CAMTA1: variants seen among roughly 807,000 people sequenced by gnomAD.
CAMTA1 encodes the protein calmodulin-binding transcription activator 1.
In CAMTA1, 27 loss-of-function variants were observed where a neutral mutation model predicts 170.9. That is an observed-to-expected ratio of 0.16 (90% CI 0.12 to 0.22). The LOEUF (loss-of-function observed/expected upper bound fraction) is 0.22, where lower values mean the gene tolerates loss of function less well. CAMTA1 is among the 10% of genes least tolerant of loss of function. The pLI, the probability that CAMTA1 is intolerant of heterozygous loss-of-function variation, is 1.00. For synonymous variants in CAMTA1, 833 were observed against 891.5 expected (o/e 0.93, Z 1.17); for missense variants, 1,619 against 2,217.2 (o/e 0.73, Z 5.42).
chr1:6,918,122 C>G lies in CAMTA1; in HGVS notation c.234+92912C>G, dbSNP rs367633557. 6.6e-6 allele frequency among the ~76,000 whole-genome samples: 1 copy of G among 152,236 alleles called. No individual in the cohort carries two copies. The highest frequency in any genetic ancestry group is 1.5e-5 in the Non-Finnish European group (1 of 68,026). On this transcript the variant is annotated intron_variant, in intron 3 of 22. Coordinates refer to ENST00000303635, the MANE Select transcript of CAMTA1 (RefSeq NM_015215.4). This position sits in a 1 kb window ranked among gnomAD's most constrained non-coding sequence, Gnocchi z 4.0. The stretch of plus-strand genomic sequence containing the variant: ...GTGGCTCCTAATGGTGAAGGCCTCC[C>G]ATGCTCCTGTTTGGGAAGAATTATG...
At chr1:7,593,077 C>T (rs141096550) in intron 6 of CAMTA1, among the ~76,000 whole-genome samples, 1,980 of 152,294 alleles carry the variant, frequency 0.013, 21 homozygotes, top group Admixed American at 0.022. Flanking sequence ...TGTTAAAGCT[C>T]CTTCATGCCA....
At chr1:7,582,338 T>A (rs1230156818) in intron 6 of CAMTA1, among the ~76,000 whole-genome samples, 7 of 152,184 alleles carry the variant, frequency 4.6e-5, no homozygotes. Context: ...CCCCCACTCC[T>A]GAGGGCCTCA....
chr1:7,075,021 A>G (rs1053068471), intron 3 of CAMTA1, among the ~76,000 whole-genome samples: 5 of 152,284 alleles, frequency 3.3e-5, no homozygotes, highest in African/African-American at 1.2e-4. Flanking sequence ...AAAATATCCA[A>G]ACAGTTTTGG....
intron 11 of CAMTA1, among the ~76,000 whole-genome samples, chr1:7,688,686 C>T (rs935996588): frequency 2.6e-5 from 4 of 152,210 alleles, no homozygotes; most frequent in Admixed American, 6.5e-5. Flanking sequence ...GTCCAATGCT[C>T]AGCCTCTAAC....
intron 1 of CAMTA1, among the ~76,000 whole-genome samples, chr1:6,805,873 CTGTTTTTT>C (rs1232095305): frequency 6.6e-6 from 1 of 151,070 alleles, no homozygotes; most frequent in East Asian, 1.9e-4. Context: ...TCCCATTTAT[CTGTTTTTT>C]TGTTTTTTTT....
rs1666258489 is a variant in CAMTA1 at position 7,249,096 on chromosome 1, T to G, written c.303-395T>G. On this transcript the variant is annotated intron_variant, in intron 4 of 22. Transcript: ENST00000303635. The surrounding 1 kb of genome is among the most constrained non-coding windows in gnomAD (Gnocchi z 4.4). ...TAATGCTGGGTGATGGATTAAAAGA[T>G]GTGTAGAAAATCCTTCCACAAGAGA... is the stretch of plus-strand genomic sequence containing the variant. Among the ~76,000 whole-genome samples, 1 of 152,200 alleles carries G rather than the reference T, an allele frequency of 6.6e-6. No homozygotes were observed. Among genetic ancestry groups the G allele is most frequent in the Non-Finnish European group, 1.5e-5 (1 of 68,040 alleles).
chr1:7,669,057 G>A (rs1344078398), intron 9 of CAMTA1, among the ~76,000 whole-genome samples: 1 of 152,210 alleles, frequency 6.6e-6, no homozygotes, highest in African/African-American at 2.4e-5. Context: ...CAGAACAAGG[G>A]ATGCTGTGGT....
chr1:7,707,551 A>AT (rs2096536367), intron 11 of CAMTA1, among the ~76,000 whole-genome samples: 1 of 151,764 alleles, frequency 6.6e-6, no homozygotes, highest in Non-Finnish European at 1.5e-5. Context: ...AATTTGTTGT[A>AT]TTTTTTGTAG....
At chr1:7,528,661 G>A (rs1018672152) in intron 6 of CAMTA1, among the ~76,000 whole-genome samples, 2 of 152,272 alleles carry the variant, frequency 1.3e-5, no homozygotes, top group Admixed American at 6.5e-5. Context: ...CCTATTGACA[G>A]ATGGGAATAC....
chr1:6,942,857 G>A (rs953580169), intron 3 of CAMTA1, among the ~76,000 whole-genome samples: 2 of 152,174 alleles, frequency 1.3e-5, no homozygotes, highest in Admixed American at 1.3e-4. Flanking sequence ...CGATGTTTGC[G>A]TGTTTAAGGA....
chr1:7,706,199 G>C (rs1182892181), intron 11 of CAMTA1, among the ~76,000 whole-genome samples: 1 of 152,164 alleles, frequency 6.6e-6, no homozygotes, highest in Non-Finnish European at 1.5e-5. Flanking sequence ...TAGGATTTCT[G>C]CTGGCAGCCT....
chr1:7,072,953 G>C (rs928885845), intron 3 of CAMTA1, among the ~76,000 whole-genome samples: 1 of 152,042 alleles, frequency 6.6e-6, no homozygotes, highest in African/African-American at 2.4e-5. Flanking sequence ...GGGTGAGATG[G>C]GCACTCCTTT....
intron 3 of CAMTA1, among the ~76,000 whole-genome samples, chr1:6,975,019 A>C (rs1693163266): frequency 6.6e-6 from 1 of 152,222 alleles, no homozygotes; most frequent in African/African-American, 2.4e-5. Context: ...CTGCCAACTT[A>C]AATTATCAAT....
At chr1:7,006,600 T>C (rs6577399) in intron 3 of CAMTA1, among the ~76,000 whole-genome samples, 95,589 of 151,956 alleles carry the variant, frequency 0.63, 31,432 homozygotes, top group African/African-American at 0.84. Context: ...GAGAACCCAG[T>C]TGAGGTGGGC....
At chr1:7,272,096 G>A (rs921793819) in intron 5 of CAMTA1, among the ~76,000 whole-genome samples, 20 of 151,980 alleles carry the variant, frequency 1.3e-4, no homozygotes, top group African/African-American at 4.6e-4. Flanking sequence ...ATATACATGA[G>A]CAATAAACAA....
intron 3 of CAMTA1, among the ~76,000 whole-genome samples, chr1:6,945,377 A>T (rs1270351295): frequency 6.6e-6 from 1 of 151,732 alleles, no homozygotes; most frequent in Non-Finnish European, 1.5e-5. Flanking sequence ...TGTGTGTGTG[A>T]CAGGGTCTCA....
At chr1:7,136,016 G>A (rs1030299287) in intron 4 of CAMTA1, among the ~76,000 whole-genome samples, 2 of 152,096 alleles carry the variant, frequency 1.3e-5, no homozygotes, top group African/African-American at 2.4e-5. Flanking sequence ...CTTATATCTC[G>A]CAGCCCAGTG....
intron 3 of CAMTA1, among the ~76,000 whole-genome samples, chr1:7,047,204 TG>T (rs1263411861): frequency 6.6e-6 from 1 of 152,218 alleles, no homozygotes. Flanking sequence ...TGTGAACAAG[TG>T]GCTTTTTGTT....
intron 6 of CAMTA1, among the ~76,000 whole-genome samples, chr1:7,601,973 G>A (rs1368485426): frequency 6.9e-6 from 1 of 145,542 alleles, no homozygotes; most frequent in Non-Finnish European, 1.5e-5. Flanking sequence ...GGAGACTGTG[G>A]GGAGAGGGAG....
Sources: allele counts gnomAD v4.1 joint callset (sites outside exome capture counted in the v4.1 genomes callset), GRCh38; gene constraint gnomAD v4.1.1; non-coding constraint Gnocchi (gnomAD v3.1); transcripts MANE v1.5; gene names NCBI Gene and HGNC (gene_info 2026-07-23, HGNC 2026-07-21).